Variants in GAB2 observed in about 807,000 individuals in gnomAD.
The protein encoded by GAB2 is GRB2 associated binding protein 2.
In GAB2, 26 loss-of-function variants were observed where a neutral mutation model predicts 65.5. That is an observed-to-expected ratio of 0.40 (90% CI 0.29 to 0.55). The LOEUF (loss-of-function observed/expected upper bound fraction) is 0.55. Ranked by LOEUF, GAB2 falls within the 20% of genes least tolerant of loss-of-function variation. The pLI is 0.53. For missense variants in GAB2, 884 were observed against 875.8 expected (o/e 1.01, Z -0.12); for synonymous variants, 321 against 329.6 (o/e 0.97, Z 0.28).
chr11:78,386,801 T>C (rs2073410157), intron 1 of GAB2, among the ~76,000 whole-genome samples: 1 of 152,128 alleles, frequency 6.6e-6, no homozygotes, highest in Non-Finnish European at 1.5e-5. Context: ...AAGATGTAAA[T>C]TGTTTACTCA....
intron 1 of GAB2, among the ~76,000 whole-genome samples, chr11:78,369,187 G>T (rs1435081657): frequency 1.3e-5 from 2 of 151,324 alleles, no homozygotes; most frequent in African/African-American, 4.9e-5. Flanking sequence ...TCAATGCCAG[G>T]AAAATTTATC....
chr11:78,374,999 A>G (rs1374693722), intron 1 of GAB2, among the ~76,000 whole-genome samples: 1 of 152,212 alleles, frequency 6.6e-6, no homozygotes. Flanking sequence ...GGTAAAGGGA[A>G]GACCACAAAC....
At chr11:78,372,054 T>C (rs146054263) in intron 1 of GAB2, among the ~76,000 whole-genome samples, 1 of 152,336 alleles carries the variant, frequency 6.6e-6, no homozygotes, top group East Asian at 1.9e-4. Context: ...CAAGGCACTC[T>C]TATCCTGACC....
intron 3 of GAB2, among the ~76,000 whole-genome samples, chr11:78,239,463 C>T (rs994955439): frequency 6.6e-6 from 1 of 152,188 alleles, no homozygotes; most frequent in Non-Finnish European, 1.5e-5. Flanking sequence ...TCGTGATCCA[C>T]CTGCCTCGGC....
At chr11:78,414,169 G>A (rs1416193486) in intron 1 of GAB2, among the ~76,000 whole-genome samples, 3 of 151,212 alleles carry the variant, frequency 2.0e-5, no homozygotes, top group African/African-American at 4.9e-5. Context: ...TTCATCGTAC[G>A]TACAGACAAC....
intron 3 of GAB2, among the ~76,000 whole-genome samples, chr11:78,237,986 A>G (rs757765053): frequency 6.6e-6 from 1 of 152,176 alleles, no homozygotes; most frequent in East Asian, 1.9e-4. Flanking sequence ...ATGAGAACAC[A>G]TGGACACCTG....
intron 2 of GAB2, among the ~76,000 whole-genome samples, chr11:78,270,157 T>C (rs1466947698): frequency 6.6e-6 from 1 of 151,844 alleles, no homozygotes; most frequent in Non-Finnish European, 1.5e-5. Flanking sequence ...TGAAACCCCG[T>C]TTCTACTAAA....
At chr11:78,222,870 C>T (rs928673410) in intron 6 of GAB2, among the ~76,000 whole-genome samples, 4 of 152,154 alleles carry the variant, frequency 2.6e-5, no homozygotes, top group South Asian at 2.1e-4. Flanking sequence ...GGCGTACAGG[C>T]GTGAGCCATG....
chr11:78,247,323 C>A (rs1865325806), intron 3 of GAB2, among the ~76,000 whole-genome samples: 1 of 152,132 alleles, frequency 6.6e-6, no homozygotes, highest in Non-Finnish European at 1.5e-5. Flanking sequence ...TGGCTTCCAC[C>A]ACCATAGTGG....
chr11:78,230,074 C>A (rs1438233273), intron 3 of GAB2, among the ~76,000 whole-genome samples: 1 of 152,198 alleles, frequency 6.6e-6, no homozygotes, highest in Non-Finnish European at 1.5e-5. Flanking sequence ...CTGTGTCTTA[C>A]TCATTTTTCT....
chr11:78,300,545 C>T (rs1866974085), intron 1 of GAB2, among the ~76,000 whole-genome samples: 1 of 72,990 alleles, frequency 1.4e-5, no homozygotes. Flanking sequence ...AAAACTACCA[C>T]ATTGTTTTCT....
chr11:78,359,518 A>T (rs1856404742), intron 1 of GAB2, among the ~76,000 whole-genome samples: 1 of 152,210 alleles, frequency 6.6e-6, no homozygotes, highest in Non-Finnish European at 1.5e-5. Flanking sequence ...TTCAGACAAA[A>T]AAACAGAAAT....
intron 1 of GAB2, among the ~76,000 whole-genome samples, chr11:78,394,644 G>A (rs1160019799): frequency 6.6e-6 from 1 of 152,122 alleles, no homozygotes; most frequent in Non-Finnish European, 1.5e-5. Context: ...AGGAGAAACT[G>A]AGCAAGAAGG....
chr11:78,411,428 G>C (rs1264186378), intron 1 of GAB2, among the ~76,000 whole-genome samples: 1 of 152,094 alleles, frequency 6.6e-6, no homozygotes, highest in Non-Finnish European at 1.5e-5. Flanking sequence ...TAAAGTAGAG[G>C]AATCAGGCTA....
intron 1 of GAB2, among the ~76,000 whole-genome samples, chr11:78,284,737 A>AC (rs1310984480): frequency 6.6e-6 from 1 of 151,284 alleles, no homozygotes; most frequent in African/African-American, 2.4e-5. Context: ...AAGCATGTAT[A>AC]CCCCCAAAAG....
At chr11:78,348,358 T>A (rs1856223082) in intron 1 of GAB2, among the ~76,000 whole-genome samples, 1 of 152,218 alleles carries the variant, frequency 6.6e-6, no homozygotes, top group Non-Finnish European at 1.5e-5. Flanking sequence ...AGAACTGGTA[T>A]CCAGATCATA....
intron 1 of GAB2, among the ~76,000 whole-genome samples, chr11:78,372,791 T>G (rs911395304): frequency 1.3e-5 from 2 of 152,206 alleles, no homozygotes; most frequent in African/African-American, 4.8e-5. Flanking sequence ...ATAATATAGT[T>G]GCTCAAGGGT....
intron 1 of GAB2, among the ~76,000 whole-genome samples, chr11:78,352,191 C>T (rs1442703076): frequency 6.6e-6 from 1 of 152,184 alleles, no homozygotes; most frequent in Non-Finnish European, 1.5e-5. Context: ...CCAGCCTGGG[C>T]AACAGGACTG....
At chr11:78,276,163 C>T (rs966494826) in intron 2 of GAB2, among the ~76,000 whole-genome samples, 9 of 151,452 alleles carry the variant, frequency 5.9e-5, no homozygotes, top group Admixed American at 2.0e-4. Flanking sequence ...AGCCAGGAGC[C>T]GTGGTGCATG....
Sources: allele counts gnomAD v4.1 joint callset (sites outside exome capture counted in the v4.1 genomes callset), GRCh38; gene constraint gnomAD v4.1.1; transcripts MANE v1.5; gene names NCBI Gene and HGNC (gene_info 2026-07-23, HGNC 2026-07-21).